Variants in IRAK4 observed in about 807,000 individuals in gnomAD.
IRAK4 encodes the protein interleukin 1 receptor associated kinase 4.
In IRAK4, 44 loss-of-function variants were observed where a neutral mutation model predicts 51.8. That is an observed-to-expected ratio of 0.85 (90% CI 0.67 to 1.09). IRAK4 has a LOEUF of 1.09. IRAK4 is among the 50% of genes least tolerant of loss of function. IRAK4 has a pLI of 0.00. For synonymous variants in IRAK4, 149 were observed against 174.1 expected, an observed-to-expected ratio of 0.86 and a Z score of 1.13; for missense variants, 487 against 538.0, an observed-to-expected ratio of 0.91 and a Z score of 0.94.
At position 43,787,041 on chromosome 12, in the gene IRAK4, G is replaced by A. The variant is rs1470970801; in HGVS notation, c.*326G>A. Reference sequence around the variant, plus strand: ...TAGGGTGGAAACACTCTGATCTGAAGCCCAGCTGACTCCACTACTAATTTG... The same window carrying A: ...TAGGGTGGAAACACTCTGATCTGAAACCCAGCTGACTCCACTACTAATTTG... On this transcript the variant is annotated 3_prime_UTR_variant, in exon 12 of 12. Coordinates refer to ENST00000613694, the MANE Select transcript of IRAK4 (RefSeq NM_016123.4). 1 of 304,174 alleles carries A rather than the reference G, an allele frequency of 3.3e-6. No individual in the cohort carries two copies. The highest frequency in any genetic ancestry group is 6.6e-5 in the East Asian group (1 of 15,124). 18.8% of individuals were successfully genotyped at this position (304,174 alleles called of 1,614,324 possible).
intron 11 of IRAK4, 26 bp from the exon 12 acceptor site, chr12:43,786,649 GTTCTT>G: frequency 6.2e-7 from 1 of 1,611,842 alleles, no homozygotes; most frequent in East Asian, 2.2e-5. Flanking sequence ...GTATAATGTG[GTTCTT>G]TTGTTTTTTT....
intron 1 of IRAK4, among the ~76,000 whole-genome samples, chr12:43,766,451 C>T (rs1341101647): frequency 6.6e-6 from 1 of 152,070 alleles, no homozygotes; most frequent in African/African-American, 2.4e-5. Flanking sequence ...ATTCTTGCAG[C>T]ATTTATCACT....
At chr12:43,775,347 G>A (rs924719159) in intron 6 of IRAK4, among the ~76,000 whole-genome samples, 8 of 152,128 alleles carry the variant, frequency 5.3e-5, no homozygotes, top group African/African-American at 1.9e-4. Context: ...GACTTAATAC[G>A]TAGGTGATGG....
Position 43,785,829 on chromosome 12 carries a change from G to A in IRAK4, c.1189-570G>A, listed in dbSNP as rs565975131. On this transcript the variant is annotated intron_variant, in intron 10 of 11. Coordinates refer to ENST00000613694, the MANE Select transcript of IRAK4 (RefSeq NM_016123.4). ...CTAGGCTACAAACGTATGCTATACAGCATAATACTCTCCTGAATACTGTAA... is the reference window on the plus strand; with the variant it reads ...CTAGGCTACAAACGTATGCTATACAACATAATACTCTCCTGAATACTGTAA... Among the ~76,000 whole-genome samples the A allele has an allele frequency of 5.9e-5, 9 of 151,916 alleles. No individual in the cohort carries two copies. In the East Asian group the frequency reaches 1.5e-3, roughly 26 times the overall value.
chr12:43,783,694 T>A lies in IRAK4; in HGVS notation c.1158T>A (p.Ala386=), dbSNP rs1031721401. ...VLLEIITGLP[A]VDEHREPQLL... ...TAGAAATAATAACTGGACTTCCAGC[T>A]GTGGATGAACACCGTGAACCTCAGT... Residue 386 remains alanine, a synonymous_variant, in exon 10 of 12, where the codon GCT becomes GCA. Coordinates refer to ENST00000613694, the MANE Select transcript of IRAK4 (RefSeq NM_016123.4). The A allele has an allele frequency of 6.8e-6, 11 of 1,608,750 alleles. No homozygotes were observed. The highest frequency in any genetic ancestry group is 1.3e-5 in the African/African-American group (1 of 74,996).
intron 6 of IRAK4, 130 bp from the exon 7 acceptor site, chr12:43,777,500 C>A: frequency 2.8e-6 from 2 of 725,938 alleles, no homozygotes; most frequent in South Asian, 2.9e-5. Context: ...ACATAAACAT[C>A]AAGTTAGAAA....
rs1351922525 is a variant in IRAK4 at position 43,789,332 on chromosome 12, T to C, written c.*2617T>C. Reference sequence around the variant, plus strand: ...GCTCCCCCTTTGCCTTCCATTGTGATTGTAACCTTCCTGGGGCCTTCATCA... The same window carrying C: ...GCTCCCCCTTTGCCTTCCATTGTGACTGTAACCTTCCTGGGGCCTTCATCA... On this transcript the variant is annotated 3_prime_UTR_variant, in exon 12 of 12. Coordinates refer to ENST00000613694, the MANE Select transcript of IRAK4 (RefSeq NM_016123.4). 1 of 152,150 alleles carries C rather than the reference T, an allele frequency of 6.6e-6. No individual in the cohort carries two copies. The highest frequency in any genetic ancestry group is 1.5e-5 in the Non-Finnish European group (1 of 68,042). The allele number at this position is 152,150 out of a possible 1,614,324, so 9.4% of individuals were successfully genotyped here. A position where few individuals can be genotyped will look rare whatever the true frequency, so the allele number is the denominator to read the frequency against.
At chr12:43,762,738 A>G (rs867887715) in intron 1 of IRAK4, among the ~76,000 whole-genome samples, 17 of 152,176 alleles carry the variant, frequency 1.1e-4, no homozygotes, top group African/African-American at 4.1e-4. Context: ...GGGGAAGCTA[A>G]CAGTGCCTTT....
chr12:43,779,433 A>G (rs1941581978), intron 8 of IRAK4, among the ~76,000 whole-genome samples: 1 of 152,190 alleles, frequency 6.6e-6, no homozygotes, highest in Admixed American at 6.5e-5. Flanking sequence ...GAAAATTTTA[A>G]GTAGGAATAT....
intron 5 of IRAK4, 197 bp from the exon 6 acceptor site, chr12:43,773,768 A>G (rs1289358763): frequency 2.4e-6 from 1 of 409,104 alleles, no homozygotes; most frequent in African/African-American, 2.0e-5. Flanking sequence ...ATTTATATAT[A>G]TTTTTCATTC....
intron 9 of IRAK4, 94 bp from the exon 10 acceptor site, chr12:43,783,568 A>G: frequency 1.3e-6 from 1 of 779,132 alleles, no homozygotes; most frequent in Non-Finnish European, 2.2e-6. Context: ...TTATCCTCCC[A>G]CATCTGTCTC....
rs150604439 is a variant in IRAK4 at position 43,788,004 on chromosome 12, C to A, written c.*1289C>A. 2 of 152,466 alleles carry A rather than the reference C, an allele frequency of 1.3e-5. No homozygotes were observed. Among genetic ancestry groups the A allele is most frequent in the East Asian group, 3.9e-4 (2 of 5,172 alleles). 9.4% of individuals were successfully genotyped at this position (152,466 alleles called of 1,614,324 possible). On this transcript the variant is annotated 3_prime_UTR_variant, in exon 12 of 12. Coordinates refer to ENST00000613694, the MANE Select transcript of IRAK4 (RefSeq NM_016123.4). ...CCAGGGAGGTAGAGGTTGCAGTGAG[C>A]TGAGATCGTGCCACTGCACTCCAGC...
intron 1 of IRAK4, among the ~76,000 whole-genome samples, chr12:43,765,319 CGA>C (rs2137872876): frequency 6.6e-6 from 1 of 152,308 alleles, no homozygotes; most frequent in African/African-American, 2.4e-5. Context: ...CCTCGAAAAT[CGA>C]TGTGGATGGT....
At chr12:43,760,349 T>G (rs1302809710) in intron 1 of IRAK4, among the ~76,000 whole-genome samples, 1 of 152,220 alleles carries the variant, frequency 6.6e-6, no homozygotes, top group Non-Finnish European at 1.5e-5. Context: ...AATGCTTCTT[T>G]CTTGCTTCTC....
At chr12:43,759,389 A>G (rs1402886570) in intron 1 of IRAK4, 2 of 152,190 alleles carry the variant, frequency 1.3e-5, no homozygotes, top group East Asian at 3.9e-4. Context: ...CCAGCACCTG[A>G]CAGATGCCTG....
rs1941057141 is a variant in IRAK4, at chr12:43,774,166, G to T, written c.716+137G>T. 4.4e-6 allele frequency: 3 copies of T among 680,270 alleles called. No individual in the cohort carries two copies. In the Admixed American group the frequency reaches 7.1e-5, roughly 16 times the overall value. The allele number at this position is 680,270 out of a possible 1,614,324, so 42.1% of individuals were successfully genotyped here. The stretch of plus-strand genomic sequence containing the variant: ...ATTAAAATAAAGTGTTTAGATTAGA[G>T]AAATTGAAAGTACTTTTGGCTCCAT... On this transcript the variant is annotated intron_variant, in intron 6 of 11. Coordinates refer to ENST00000613694, the MANE Select transcript of IRAK4 (RefSeq NM_016123.4).
intron 1 of IRAK4, among the ~76,000 whole-genome samples, chr12:43,767,618 A>G (rs1277328476): frequency 2.0e-5 from 3 of 151,788 alleles, no homozygotes; most frequent in African/African-American, 7.3e-5. Flanking sequence ...TTAATGCTAC[A>G]CAAATCATTT....
chr12:43,768,246 T>C lies in IRAK4; in HGVS notation c.135T>C (p.Asp45=). The change falls in exon 2 of 12, where the codon GAT becomes GAC. Residue 45 remains aspartate, a synonymous_variant. Transcript: ENST00000613694. The part of the protein sequence containing the change: ...LAVAIKKPSG[D]DRYNQFHIRR... The stretch of plus-strand genomic sequence containing the variant: ...TAGCTATTAAAAAACCATCTGGTGA[T>C]GATAGATACAATCAGTTTCACATAA... The C allele has an allele frequency of 1.9e-6, 3 of 1,612,338 alleles. No homozygotes were observed. Among genetic ancestry groups the C allele is most frequent in the Non-Finnish European group, 2.5e-6 (3 of 1,178,748 alleles).
Position 43,786,550 on chromosome 12 carries a change from T to A in IRAK4, c.1340T>A (p.Ile447Asn), listed in dbSNP as rs569421834. The change falls in exon 11 of 12, where the codon ATT (isoleucine) becomes AAT (asparagine). Residue 447 changes from isoleucine to asparagine, a missense_variant. Coordinates refer to ENST00000613694, the MANE Select transcript of IRAK4 (RefSeq NM_016123.4). ...GAAAAGAAAAATAAGAGACCAGACA[T>A]TAAGAAGGTATGCATTTTTTATACT... Reference protein sequence around the residue: ...LHEKKNKRPDIKKVQQLLQEM... With the variant: ...LHEKKNKRPDNKKVQQLLQEM... The A allele has an allele frequency of 8.1e-6, 13 of 1,613,530 alleles. No homozygotes were observed. In the African/African-American group the frequency reaches 1.5e-4, roughly 18 times the overall value.
Sources: gnomAD v4.1 joint callset for allele counts (sites outside exome capture counted in the v4.1 genomes callset) on GRCh38, gnomAD v4.1.1 for gene constraint, MANE v1.5 for transcripts, NCBI Gene and HGNC (gene_info 2026-07-23, HGNC 2026-07-21) for gene names.